DIXDC1: variants seen among roughly 807,000 people sequenced by gnomAD.
DIXDC1 encodes the protein DIX domain containing 1, also known as dixin.
A neutral mutation model predicts 103.1 loss-of-function variants in DIXDC1; 64 were observed. The observed-to-expected ratio is 0.62, with a 90% CI of 0.51 to 0.76. DIXDC1 has a LOEUF of 0.76. Ranked by LOEUF, DIXDC1 falls within the 30% of genes least tolerant of loss-of-function variation. DIXDC1 has a pLI of 0.00. For missense variants in DIXDC1, 759 were observed against 834.2 expected (o/e 0.91, Z 1.11); for synonymous variants, 266 against 298.5 (o/e 0.89, Z 1.12).
Position 111,977,157 on chromosome 11 carries a change from C to G in DIXDC1, c.656+2174C>G, listed in dbSNP as rs1192407013. 1 of 654,290 alleles carries G rather than the reference C, an allele frequency of 1.5e-6. No individual in the cohort carries two copies. Among genetic ancestry groups the G allele is most frequent in the South Asian group, 6.7e-5 (1 of 14,950 alleles). The allele number at this position is 654,290 out of a possible 1,614,324, so 40.5% of individuals were successfully genotyped here. On this transcript the variant is annotated intron_variant, in intron 5 of 19. Transcript: ENST00000440460. This position sits in a 1 kb window ranked among gnomAD's most constrained non-coding sequence, Gnocchi z 6.1. Reference sequence around the variant, plus strand: ...AACCCCTCGTCGACGTCCCCACCCCCACCTCCACCCCGCCCAGCCCCGCCC... The same window carrying G: ...AACCCCTCGTCGACGTCCCCACCCCGACCTCCACCCCGCCCAGCCCCGCCC...
At chr11:112,014,530 A>G (rs1413531219) in intron 17 of DIXDC1, among the ~76,000 whole-genome samples, 4 of 152,204 alleles carry the variant, frequency 2.6e-5, no homozygotes, top group Non-Finnish European at 5.9e-5. Flanking sequence ...AGGACTCTCC[A>G]ACCATGGGCC....
At chr11:112,011,809 G>T (rs975193445) in intron 17 of DIXDC1, among the ~76,000 whole-genome samples, 3 of 152,072 alleles carry the variant, frequency 2.0e-5, no homozygotes, top group Non-Finnish European at 1.5e-5. Context: ...GTCGTGGAGG[G>T]GGGGACGGGG....
At chr11:111,978,455 C>T (rs1043414921) in intron 5 of DIXDC1, among the ~76,000 whole-genome samples, 6 of 151,970 alleles carry the variant, frequency 3.9e-5, no homozygotes, top group African/African-American at 1.5e-4. Flanking sequence ...ACTTGGCCAT[C>T]GAGTTTCATG....
intron 10 of DIXDC1, among the ~76,000 whole-genome samples, 190 bp downstream of exon 10, chr11:111,989,245 A>G (rs1261159565): frequency 6.6e-6 from 1 of 152,186 alleles, no homozygotes; most frequent in Non-Finnish European, 1.5e-5. Context: ...GCTTATTTCT[A>G]GTAGTTATGA....
intron 1 of DIXDC1, chr11:111,946,788 G>T: frequency 4.1e-6 from 2 of 485,822 alleles, no homozygotes; most frequent in Admixed American, 2.0e-5. Flanking sequence ...CAACCTTCTT[G>T]GTATGAAGGT....
intron 4 of DIXDC1, 46 bp downstream of exon 4, chr11:111,974,300 A>G (rs782047052): frequency 6.5e-7 from 1 of 1,542,134 alleles, no homozygotes; most frequent in South Asian, 1.2e-5. Flanking sequence ...TCTCTCTGAT[A>G]CTTCTTCTGT....
intron 1 of DIXDC1, among the ~76,000 whole-genome samples, chr11:111,950,378 TA>T (rs1332539438): frequency 3.6e-5 from 5 of 140,154 alleles, no homozygotes; most frequent in Middle Eastern, 7.5e-3. Context: ...TTTCTTATTT[TA>T]TTTTTTTTTA....
At chr11:111,989,252 A>G (rs971042145) in intron 10 of DIXDC1, among the ~76,000 whole-genome samples, 197 bp downstream of exon 10, 3 of 152,178 alleles carry the variant, frequency 2.0e-5, no homozygotes, top group African/African-American at 7.2e-5. Context: ...TCTAGTAGTT[A>G]TGATTCATGT....
chr11:111,943,500 T>TC (rs1374596094), intron 1 of DIXDC1, among the ~76,000 whole-genome samples: 1 of 145,712 alleles, frequency 6.9e-6, no homozygotes, highest in Non-Finnish European at 1.5e-5. Flanking sequence ...TTTTTTTTTT[T>TC]TTTTTTTTTT....
intron 17 of DIXDC1, among the ~76,000 whole-genome samples, chr11:112,010,210 C>T (rs782225934): frequency 4.6e-5 from 7 of 152,042 alleles, no homozygotes; most frequent in Non-Finnish European, 8.8e-5. Context: ...ACAATTGCTA[C>T]GAAGAGAATA....
chr11:111,972,662 C>A (rs587674451), intron 3 of DIXDC1, among the ~76,000 whole-genome samples: 13 of 152,334 alleles, frequency 8.5e-5, no homozygotes, highest in African/African-American at 2.9e-4. Flanking sequence ...ATTCTGGGCT[C>A]TGCCTATGCT....
chr11:111,930,029 T>A (rs1037173511), intron 2 of DIXDC1: 16 of 975,066 alleles, frequency 1.6e-5, no homozygotes, highest in Non-Finnish European at 1.5e-6. Context: ...TTTAATATAT[T>A]TGTCTTTTTT....
Position 112,010,105 on chromosome 11 carries a change from A to C in DIXDC1, c.1757-6586A>C, listed in dbSNP as rs187361178. ...TCTCAAGCTGATAAGCAACTTCAGC[A>C]AAGTCTCAGGATACAAAGTCAATGT... On this transcript the variant is annotated intron_variant, in intron 17 of 19. Coordinates refer to ENST00000440460, the MANE Select transcript of DIXDC1 (RefSeq NM_001037954.4). Among the ~76,000 whole-genome samples, 1,499 of 152,344 alleles carry C rather than the reference A, an allele frequency of 9.8e-3. 20 individuals are homozygous for C. Among genetic ancestry groups the C allele is most frequent in the African/African-American group, 0.033 (1,391 of 41,572 alleles).
In DIXDC1 at chr11:112,019,890, T is replaced by A. The variant is rs1379497176; in HGVS notation, c.*854T>A. On this transcript the variant is annotated 3_prime_UTR_variant, in exon 20 of 20. Transcript: ENST00000440460. ...GTGCTGCTACCCATATCTTTTTGACTTTCTTTGTTTCATGACTTTAACTCA... is the reference window on the plus strand; with the variant it reads ...GTGCTGCTACCCATATCTTTTTGACATTCTTTGTTTCATGACTTTAACTCA... 6.6e-6 allele frequency: 1 copy of A among 152,198 alleles called. No individual in the cohort carries two copies. The highest frequency in any genetic ancestry group is 1.5e-5 in the Non-Finnish European group (1 of 68,030). 9.4% of individuals were successfully genotyped at this position (152,198 alleles called of 1,614,324 possible). A position where few individuals can be genotyped will look rare whatever the true frequency, so the allele number is the denominator to read the frequency against.
At chr11:111,995,258 C>A in intron 15 of DIXDC1, 145 bp from the exon 16 acceptor site, 1 of 1,339,994 alleles carries the variant, frequency 7.5e-7, no homozygotes, top group Non-Finnish European at 1.0e-6. Context: ...CACTTGCTAT[C>A]CAAAATTAAG....
At chr11:111,993,624 T>G in intron 13 of DIXDC1, 36 bp downstream of exon 13, 2 of 1,614,006 alleles carry the variant, frequency 1.2e-6, no homozygotes, top group South Asian at 2.2e-5. Context: ...TCCCTGCCTC[T>G]TTGGCCCAAA....
Position 111,966,397 on chromosome 11 carries a change from A to ATTTTTTT in DIXDC1, c.190+1737_190+1743dup, listed in dbSNP as rs1221666046. On this transcript the variant is annotated intron_variant, in intron 2 of 19. Coordinates refer to ENST00000440460, the MANE Select transcript of DIXDC1 (RefSeq NM_001037954.4). Reference sequence around the variant, plus strand: ...ACCACCACGCCAAGCTAATTTTTGTATTTTTTTTTTTTTTTTTTTTTTTTG... The same window carrying ATTTTTTT: ...ACCACCACGCCAAGCTAATTTTTGTATTTTTTTTTTTTTTTTTTTTTTTTTTTTTTTG... Among the ~76,000 whole-genome samples the ATTTTTTT allele has an allele frequency of 7.7e-4, 45 of 58,646 alleles. 1 individual carries two copies. Among genetic ancestry groups the ATTTTTTT allele is most frequent in the African/African-American group, 9.6e-4 (15 of 15,648 alleles). 38.5% of individuals were successfully genotyped at this position (58,646 alleles called of 152,430 possible).
rs1002580941 is a variant in DIXDC1 at position 112,019,668 on chromosome 11, C to A, written c.*632C>A. On this transcript the variant is annotated 3_prime_UTR_variant, in exon 20 of 20. Transcript: ENST00000440460. ...ATGCTAAAACTGTAATTTAGTAAGA[C>A]CTTGGGCTGCCTCTTCTGTCTTAAC... The A allele has an allele frequency of 1.3e-5, 2 of 152,640 alleles. No homozygotes were observed. The highest frequency in any genetic ancestry group is 2.4e-5 in the African/African-American group (1 of 41,432). 9.5% of individuals were successfully genotyped at this position (152,640 alleles called of 1,614,324 possible).
rs782522789 is a variant in DIXDC1, at chr11:111,996,125, G to T, written c.1735G>T (p.Glu579Ter). The T allele has an allele frequency of 5.6e-6, 9 of 1,613,620 alleles. No individual in the cohort carries two copies. The highest frequency in any genetic ancestry group is 7.6e-6 in the Non-Finnish European group (9 of 1,179,802). ...PRTQVGSEYR[E>*]SWPPNSKLPH... ...AACTCAAGTAGGTAGTGAATACCGGGAGTCCTGGCCCCCTAACTCAAGTAA... is the reference window on the plus strand; with the variant it reads ...AACTCAAGTAGGTAGTGAATACCGGTAGTCCTGGCCCCCTAACTCAAGTAA... The change falls in exon 17 of 20, where the codon GAG becomes TAG. Residue 579 changes from glutamate to a stop codon, truncating the protein, a stop_gained. Transcript: ENST00000440460. LOFTEE classifies it high-confidence loss of function.
Sources: allele counts gnomAD v4.1 joint callset (sites outside exome capture counted in the v4.1 genomes callset), GRCh38; gene constraint gnomAD v4.1.1; non-coding constraint Gnocchi (gnomAD v3.1); transcripts MANE v1.5; gene names NCBI Gene and HGNC (gene_info 2026-07-23, HGNC 2026-07-21).